DNAH3: variants seen among roughly 807,000 people sequenced by gnomAD.
DNAH3 encodes dynein axonemal heavy chain 3.
A neutral mutation model predicts 432.5 loss-of-function variants in DNAH3; 332 were observed. The ratio of observed to expected loss-of-function variants is 0.77; its 90% CI spans 0.70 to 0.84. The LOEUF (loss-of-function observed/expected upper bound fraction) is 0.84, where lower values mean the gene tolerates loss of function less well. DNAH3 is among the 40% of genes least tolerant of loss of function. The pLI is 0.00. For missense variants in DNAH3, 4,861 were observed against 5,114.0 expected, an observed-to-expected ratio of 0.95 and a Z score of 1.51; for synonymous variants, 1,956 against 1,900.2, an observed-to-expected ratio of 1.03 and a Z score of -0.76.
intron 58 of DNAH3, among the ~76,000 whole-genome samples, chr16:20,942,664 G>C (rs554809092): frequency 2.0e-5 from 3 of 152,152 alleles, no homozygotes; most frequent in South Asian, 2.1e-4. Flanking sequence ...GTCAGGAGAC[G>C]GTGGCTCTGG....
intron 9 of DNAH3, among the ~76,000 whole-genome samples, 172 bp from the exon 11 acceptor site, chr16:21,122,296 T>C (rs1259052714): frequency 1.3e-5 from 2 of 152,164 alleles, no homozygotes; most frequent in African/African-American, 4.8e-5. Context: ...GGCTCACACC[T>C]GTAATCCCAG....
intron 60 of DNAH3, 21 bp downstream of exon 60, chr16:20,936,628 T>A: frequency 6.4e-7 from 1 of 1,570,668 alleles, no homozygotes; most frequent in Non-Finnish European, 8.6e-7. Flanking sequence ...AGGTTCCCGG[T>A]TACCCCTGAC....
chr16:21,130,113 A>G (rs1310459804), intron 7 of DNAH3: 1 of 151,212 alleles, frequency 6.6e-6, no homozygotes, highest in Non-Finnish European at 1.5e-5. Flanking sequence ...AAAAAAACAA[A>G]TGAACTCACA....
intron 1 of DNAH3, 87 bp from the exon 3 acceptor site, chr16:21,146,175 G>A: frequency 1.2e-6 from 1 of 848,060 alleles, no homozygotes; most frequent in Non-Finnish European, 2.0e-6. Context: ...GAGGTCCCCA[G>A]GAAAAGTTTT....
At chr16:21,066,726 A>G (rs1009480257) in intron 24 of DNAH3, among the ~76,000 whole-genome samples, 3 of 152,174 alleles carry the variant, frequency 2.0e-5, no homozygotes, top group Admixed American at 1.3e-4. Context: ...TTGTGTGGAA[A>G]AAAAGAGTCA....
At chr16:20,955,227 A>G (rs1360329807) in intron 54 of DNAH3, among the ~76,000 whole-genome samples, 170 bp from the exon 55 acceptor site, 1 of 152,172 alleles carries the variant, frequency 6.6e-6, no homozygotes, top group African/African-American at 2.4e-5. Context: ...AAAAATAACA[A>G]AAAAGAATAG....
chr16:21,113,000 T>C (rs928522209), intron 12 of DNAH3, among the ~76,000 whole-genome samples: 4 of 152,224 alleles, frequency 2.6e-5, no homozygotes, highest in Non-Finnish European at 5.9e-5. Context: ...TACAGGCTCA[T>C]AGGCAGAAGG....
chr16:21,030,787 G>A (rs1039485949), intron 37 of DNAH3, among the ~76,000 whole-genome samples: 1 of 152,172 alleles, frequency 6.6e-6, no homozygotes. Flanking sequence ...GCAGGGCTAG[G>A]AGTCCAAACT....
At chr16:20,970,092 T>A in intron 51 of DNAH3, 102 bp from the exon 52 acceptor site, 9 of 1,097,644 alleles carry the variant, frequency 8.2e-6, no homozygotes, top group Non-Finnish European at 1.2e-5. Context: ...AAGAGGTGCT[T>A]CCTCTTCCAG....
At chr16:21,152,544 C>T (rs1426549589) in intron 1 of DNAH3, among the ~76,000 whole-genome samples, 2 of 152,278 alleles carry the variant, frequency 1.3e-5, no homozygotes, top group Admixed American at 1.3e-4. Flanking sequence ...GAGCTCCTTT[C>T]TGGGCTGGGC....
chr16:21,074,582 C>T (rs545894409), intron 21 of DNAH3, among the ~76,000 whole-genome samples: 250 of 152,084 alleles, frequency 1.6e-3, no homozygotes, highest in Non-Finnish European at 3.1e-3. Context: ...GGCATGGTGG[C>T]GGGCACCTGT....
exon 53 of DNAH3, chr16:20,965,100 C>T: frequency 6.2e-7 from 1 of 1,614,182 alleles, no homozygotes; most frequent in Non-Finnish European, 8.5e-7. Context: ...CCAGCTTCAG[C>T]TCTGCTCTTT....
At chr16:21,021,910 AAAG>A (rs946758537) in intron 40 of DNAH3, 58 bp downstream of exon 40, 5 of 1,578,518 alleles carry the variant, frequency 3.2e-6, no homozygotes, top group Non-Finnish European at 4.3e-6. Flanking sequence ...CTCAAAAAAA[AAAG>A]AAATAGCCAA....
chr16:20,988,580 C>T (rs891529213), intron 44 of DNAH3, among the ~76,000 whole-genome samples: 2 of 152,160 alleles, frequency 1.3e-5, no homozygotes, highest in African/African-American at 4.8e-5. Context: ...GCTGTGATTG[C>T]AGGCATGAGA....
chr16:21,111,552 C>T (rs1370952083), intron 14 of DNAH3, 74 bp downstream of exon 14: 2 of 1,432,084 alleles, frequency 1.4e-6, no homozygotes, highest in Non-Finnish European at 1.9e-6. Context: ...CTGGAAGGTG[C>T]AAGTTCTGGT....
At chr16:20,975,447 G>A (rs770337958) in intron 50 of DNAH3, 32 bp from the exon 51 acceptor site, 2 of 1,599,122 alleles carry the variant, frequency 1.3e-6, no homozygotes, top group South Asian at 2.3e-5. Flanking sequence ...GAAATCCAGG[G>A]TCAGCACTGA....
exon 21 of DNAH3, chr16:21,075,554 G>A: frequency 1.2e-6 from 2 of 1,612,636 alleles, no homozygotes; most frequent in Middle Eastern, 1.7e-4. Flanking sequence ...GCACCAATGG[G>A]CTCCAATCTA....
exon 58 of DNAH3, chr16:20,944,633 T>C (rs1194306684): frequency 6.2e-7 from 1 of 1,614,074 alleles, no homozygotes; most frequent in Admixed American, 1.7e-5. Context: ...TGGGCTGTGA[T>C]GGGGAGATTC....
chr16:21,151,246 G>C (rs1309276502), intron 1 of DNAH3, among the ~76,000 whole-genome samples: 1 of 151,958 alleles, frequency 6.6e-6, no homozygotes, highest in Non-Finnish European at 1.5e-5. Context: ...TTGCTTTGAA[G>C]GGTTAACGGG....
Sources: gnomAD v4.1 joint callset for allele counts (sites outside exome capture counted in the v4.1 genomes callset) on GRCh38, gnomAD v4.1.1 for gene constraint, MANE v1.5 for transcripts, NCBI Gene and HGNC (gene_info 2026-07-23, HGNC 2026-07-21) for gene names.